SOX5: variants seen among roughly 807,000 people sequenced by gnomAD.
The protein encoded by SOX5 is transcription factor SOX-5.
A neutral mutation model predicts 92.0 loss-of-function variants in SOX5; 9 were observed. The observed-to-expected ratio is 0.10, with a 90% CI of 0.06 to 0.17. The LOEUF (loss-of-function observed/expected upper bound fraction) is 0.17, where lower values mean the gene tolerates loss of function less well. Among genes scored for constraint, SOX5 ranks in the 10% least tolerant of loss-of-function variants. SOX5 has a pLI of 1.00. For missense variants in SOX5, 642 were observed against 944.5 expected (o/e 0.68, Z 4.20); for synonymous variants, 344 against 336.3 (o/e 1.02, Z -0.25).
intron 6 of SOX5, among the ~76,000 whole-genome samples, chr12:23,674,077 T>C (rs566644281): frequency 1.3e-5 from 2 of 152,252 alleles, no homozygotes; most frequent in South Asian, 4.1e-4. Context: ...CATACACTAG[T>C]TTATGTATAC....
chr12:23,769,943 G>C (rs2094869809), intron 3 of SOX5, among the ~76,000 whole-genome samples: 1 of 151,878 alleles, frequency 6.6e-6, no homozygotes, highest in South Asian at 2.1e-4. Flanking sequence ...TTGGCTCCCA[G>C]GGATGTATTT....
rs535737820 is a variant in SOX5 at position 23,802,327 on chromosome 12, G to A, written c.481+43656C>T. ...GATCTCCTGACCTCGTGATCAGCCC[G>A]TCTCGGCCTCCCAGAGTGCTGGGAT... On this transcript the variant is annotated intron_variant, in intron 3 of 14. Coordinates refer to ENST00000451604, the MANE Select transcript of SOX5 (RefSeq NM_006940.6). 1.6e-4 allele frequency among the ~76,000 whole-genome samples: 24 copies of A among 152,138 alleles called. No individual in the cohort carries two copies. In the South Asian group the frequency reaches 3.9e-3, roughly 25 times the overall value.
chr12:24,535,152 T>G (rs1444106490), intron 1 of SOX5, among the ~76,000 whole-genome samples: 1 of 152,174 alleles, frequency 6.6e-6, no homozygotes, highest in Non-Finnish European at 1.5e-5. Context: ...CCATCCCATA[T>G]TTGGGCTAAA....
chr12:23,929,287 C>T (rs1569064760), intron 1 of SOX5, among the ~76,000 whole-genome samples: 2 of 151,760 alleles, frequency 1.3e-5, no homozygotes, highest in Non-Finnish European at 2.9e-5. Flanking sequence ...ATATATTGAA[C>T]GATGATATAA....
chr12:23,591,209 T>G (rs1477349014), intron 9 of SOX5, among the ~76,000 whole-genome samples: 1 of 152,012 alleles, frequency 6.6e-6, no homozygotes, highest in African/African-American at 2.4e-5. Context: ...TTCTCTTAGA[T>G]TGTGTTGTAT....
chr12:24,258,906 A>G (rs1941661115), intron 3 of SOX5, among the ~76,000 whole-genome samples: 1 of 152,240 alleles, frequency 6.6e-6, no homozygotes, highest in South Asian at 2.1e-4. Context: ...GAAGTTGTCC[A>G]GGATCGCACA....
intron 4 of SOX5, among the ~76,000 whole-genome samples, chr12:24,176,519 C>T (rs561453505): frequency 6.6e-6 from 1 of 152,262 alleles, no homozygotes; most frequent in Admixed American, 6.5e-5. Context: ...ATGTGAATGT[C>T]ATTACAGCCT....
At chr12:24,317,500 C>T (rs1471616426) in intron 2 of SOX5, among the ~76,000 whole-genome samples, 1 of 152,168 alleles carries the variant, frequency 6.6e-6, no homozygotes, top group African/African-American at 2.4e-5. Flanking sequence ...ATTTTCGTTT[C>T]TATTCCTTAA....
chr12:24,173,631 C>T (rs1016055566), intron 4 of SOX5, among the ~76,000 whole-genome samples: 4 of 151,356 alleles, frequency 2.6e-5, no homozygotes, highest in African/African-American at 4.9e-5. Context: ...ATCTTGGGTG[C>T]ACAGAAAAAA....
chr12:24,244,469 T>C (rs1365882254), intron 3 of SOX5, among the ~76,000 whole-genome samples: 1 of 152,208 alleles, frequency 6.6e-6, no homozygotes, highest in Non-Finnish European at 1.5e-5. Flanking sequence ...GGAAAATTCT[T>C]TCCCCACTCC....
At chr12:23,870,044 G>A (rs1046768134) in intron 2 of SOX5, among the ~76,000 whole-genome samples, 1 of 151,980 alleles carries the variant, frequency 6.6e-6, no homozygotes, top group Non-Finnish European at 1.5e-5. Context: ...CTACATTAAA[G>A]GACAAAACAT....
chr12:23,613,248 C>T (rs1312404922), intron 8 of SOX5, among the ~76,000 whole-genome samples: 1 of 151,370 alleles, frequency 6.6e-6, no homozygotes, highest in Non-Finnish European at 1.5e-5. Flanking sequence ...CCCGTCTTGA[C>T]AAACCTATTT....
intron 1 of SOX5, among the ~76,000 whole-genome samples, chr12:24,510,722 A>G (rs1452441760): frequency 1.3e-5 from 2 of 152,198 alleles, no homozygotes; most frequent in African/African-American, 2.4e-5. Flanking sequence ...GAAAATCAAG[A>G]AGTCAAAGGC....
intron 3 of SOX5, among the ~76,000 whole-genome samples, chr12:23,810,084 C>T (rs1360381923): frequency 6.6e-6 from 1 of 152,072 alleles, no homozygotes; most frequent in Non-Finnish European, 1.5e-5. Flanking sequence ...CTAGAAGTAA[C>T]TATTGTTTCT....
At chr12:23,886,406 T>C (rs1242040048) in intron 2 of SOX5, among the ~76,000 whole-genome samples, 1 of 152,164 alleles carries the variant, frequency 6.6e-6, no homozygotes, top group Non-Finnish European at 1.5e-5. Flanking sequence ...ATCTAACTGA[T>C]GTGGCCAAGA....
chr12:24,275,149 C>T (rs548066685), intron 3 of SOX5, among the ~76,000 whole-genome samples: 24 of 152,122 alleles, frequency 1.6e-4, no homozygotes, highest in African/African-American at 5.3e-4. Flanking sequence ...CTTATATATA[C>T]CTTCTGAAAA....
At chr12:24,562,523 C>G (rs1566475502), upstream of SOX5, 1 of 153,602 alleles carries the variant, frequency 6.5e-6, no homozygotes, top group East Asian at 1.9e-4. Flanking sequence ...TCTCTCTCCC[C>G]CCGTCTCTCG....
intron 7 of SOX5, among the ~76,000 whole-genome samples, chr12:23,659,566 A>C (rs2082749869): frequency 6.6e-6 from 1 of 152,232 alleles, no homozygotes; most frequent in African/African-American, 2.4e-5. Context: ...GGATGTGAAT[A>C]TATTTCTAGT....
chr12:24,308,434 A>G (rs1170464735), intron 2 of SOX5, among the ~76,000 whole-genome samples: 2 of 152,146 alleles, frequency 1.3e-5, no homozygotes, highest in African/African-American at 4.8e-5. Context: ...CTTTTTAATA[A>G]ATGTTCACTG....
Sources: allele counts gnomAD v4.1 joint callset (sites outside exome capture counted in the v4.1 genomes callset), GRCh38; gene constraint gnomAD v4.1.1; transcripts MANE v1.5; gene names NCBI Gene and HGNC (gene_info 2026-07-23, HGNC 2026-07-21).